Variants in IL27RA observed in about 807,000 individuals in gnomAD.
IL27RA encodes the protein interleukin-27 receptor subunit alpha.
A neutral mutation model predicts 80.8 loss-of-function variants in IL27RA; 61 were observed. The ratio of observed to expected loss-of-function variants is 0.76; its 90% CI spans 0.61 to 0.93. IL27RA has a LOEUF of 0.93. Among genes scored for constraint, IL27RA ranks in the 40% least tolerant of loss-of-function variants. The pLI is 0.00. For synonymous variants in IL27RA, 316 were observed against 332.5 expected, an observed-to-expected ratio of 0.95 and a Z score of 0.54; for missense variants, 735 against 808.1, an observed-to-expected ratio of 0.91 and a Z score of 1.10.
At chr19:14,032,006 T>G in intron 1 of IL27RA, 34 bp downstream of exon 1, 1 of 1,555,160 alleles carries the variant, frequency 6.4e-7, no homozygotes, top group Non-Finnish European at 8.8e-7. Flanking sequence ...TCCCGGGCGC[T>G]GCCGCTGCGC....
chr19:14,035,940 C>T (rs904761690), intron 2 of IL27RA, among the ~76,000 whole-genome samples: 4 of 151,620 alleles, frequency 2.6e-5, no homozygotes, highest in Non-Finnish European at 5.9e-5. Flanking sequence ...GTCACCATGA[C>T]CAGCTAATTT....
chr19:14,051,545 A>G, intron 11 of IL27RA, 62 bp from the exon 12 acceptor site: 2 of 1,001,842 alleles, frequency 2.0e-6, no homozygotes, highest in Non-Finnish European at 2.7e-6. Flanking sequence ...CTGTCTCAAA[A>G]ATAAAAATAA....
intron 2 of IL27RA, among the ~76,000 whole-genome samples, chr19:14,038,532 C>T (rs1442399449): frequency 2.1e-5 from 3 of 143,460 alleles, no homozygotes; most frequent in African/African-American, 5.3e-5. Flanking sequence ...GATCTATGAT[C>T]GCACTGCTCC....
intron 4 of IL27RA, 98 bp from the exon 5 acceptor site, chr19:14,042,355 C>T: frequency 7.6e-7 from 1 of 1,312,048 alleles, no homozygotes; most frequent in South Asian, 1.4e-5. Context: ...CACAACGAGA[C>T]TGTCTCAAAA....
At position 14,035,514 on chromosome 19, in the gene IL27RA, G is replaced by C. The variant is rs201203064; in HGVS notation, c.218+3011G>C. 7.2e-5 allele frequency among the ~76,000 whole-genome samples: 11 copies of C among 152,222 alleles called. No individual in the cohort carries two copies. In the East Asian group the frequency reaches 1.9e-3, roughly 27 times the overall value. On this transcript the variant is annotated intron_variant, in intron 2 of 13. Coordinates refer to ENST00000263379, the MANE Select transcript of IL27RA (RefSeq NM_004843.4). ...GGGTTCCAGCAATTCTCCTGCCTCAGCCTCCAGAGTAGTTGGGATTACAGG... is the reference window on the plus strand; with the variant it reads ...GGGTTCCAGCAATTCTCCTGCCTCACCCTCCAGAGTAGTTGGGATTACAGG...
At position 14,031,833 on chromosome 19, in the gene IL27RA, C is replaced by G. The variant is rs756066420; in HGVS notation, c.-40C>G. The G allele has an allele frequency of 1.3e-6, 2 of 1,527,820 alleles. No homozygotes were observed. The highest frequency in any genetic ancestry group is 2.4e-5 in the East Asian group (1 of 41,750). The allele number at this position is 1,527,820 out of a possible 1,614,324, so 94.6% of individuals were successfully genotyped here. On this transcript the variant is annotated 5_prime_UTR_variant, in exon 1 of 14. Coordinates refer to ENST00000263379, the MANE Select transcript of IL27RA (RefSeq NM_004843.4). ...GAGGAGCAGCGCGGCCGCGCGGACC[C>G]GGCAAGGCTGGGCCGGACTCGGGGC...
chr19:14,042,572 C>T lies in IL27RA; in HGVS notation c.654C>T (p.Gly218=), dbSNP rs202125422. 1.5e-5 allele frequency: 24 copies of T among 1,613,954 alleles called. No individual in the cohort carries two copies. Among genetic ancestry groups the T allele is most frequent in the Non-Finnish European group, 1.9e-5 (22 of 1,180,038 alleles). The part of the protein sequence containing the change: ...CRMEKEEDLW[G]EWSPILSFQT... The stretch of plus-strand genomic sequence containing the variant: ...TGGAGAAAGAAGAGGATTTGTGGGG[C>T]GAGTGGAGCCCCATTTTGTCCTTCC... Residue 218 remains glycine (G), a synonymous_variant, in exon 5 of 14, where the codon GGC becomes GGT. Transcript: ENST00000263379.
In IL27RA at chr19:14,032,382, C is replaced by G; in HGVS notation, c.101-4C>G. 6.2e-7 allele frequency: 1 copy of G among 1,611,302 alleles called. No individual in the cohort carries two copies. The highest frequency in any genetic ancestry group is 1.3e-5 in the African/African-American group (1 of 74,934). On this transcript the variant is annotated splice_region_variant and splice_polypyrimidine_tract_variant and intron_variant, in intron 1 of 13. Coordinates refer to ENST00000263379, the MANE Select transcript of IL27RA (RefSeq NM_004843.4). ...TTCCTGAGACCCTCTGACTCCCTCT[C>G]CAGGCAGCGCCGGGCCACTGCAGTG...
At chr19:14,034,017 C>T (rs1455574600) in intron 2 of IL27RA, among the ~76,000 whole-genome samples, 2 of 152,026 alleles carry the variant, frequency 1.3e-5, no homozygotes, top group East Asian at 1.9e-4. Flanking sequence ...AACCTGCCTC[C>T]GAAGGTTAAG....
At chr19:14,045,149 T>C (rs929329868) in intron 6 of IL27RA, among the ~76,000 whole-genome samples, 2 of 145,574 alleles carry the variant, frequency 1.4e-5, no homozygotes, top group Non-Finnish European at 3.0e-5. Context: ...TAGCGGGGTG[T>C]GGTGGCATGC....
intron 6 of IL27RA, 118 bp downstream of exon 6, chr19:14,042,907 C>T (rs188100156): frequency 4.4e-5 from 40 of 911,164 alleles, no homozygotes; most frequent in Admixed American, 1.4e-4. Flanking sequence ...TGTGGGAGGC[C>T]GAGGAGGGTG....
chr19:14,042,574 A>G lies in IL27RA; in HGVS notation c.656A>G (p.Glu219Gly), dbSNP rs1291474021. 6.2e-7 allele frequency: 1 copy of G among 1,614,112 alleles called. No individual in the cohort carries two copies. The highest frequency in any genetic ancestry group is 8.5e-7 in the Non-Finnish European group (1 of 1,180,018). Reference protein sequence around the residue: ...RMEKEEDLWGEWSPILSFQTP... With the variant: ...RMEKEEDLWGGWSPILSFQTP... Reference sequence around the variant, plus strand: ...GAGAAAGAAGAGGATTTGTGGGGCGAGTGGAGCCCCATTTTGTCCTTCCAG... The same window carrying G: ...GAGAAAGAAGAGGATTTGTGGGGCGGGTGGAGCCCCATTTTGTCCTTCCAG... The change falls in exon 5 of 14, where the codon GAG (glutamate) becomes GGG (glycine). Residue 219 changes from glutamate (E) to glycine (G), a missense_variant. Coordinates refer to ENST00000263379, the MANE Select transcript of IL27RA (RefSeq NM_004843.4).
chr19:14,040,011 C>T (rs1975967353), intron 4 of IL27RA, 101 bp downstream of exon 4: 2 of 1,212,138 alleles, frequency 1.6e-6, no homozygotes, highest in Admixed American at 2.1e-5. Context: ...TGTGCCTGCC[C>T]CTGAGCCTGT....
intron 6 of IL27RA, among the ~76,000 whole-genome samples, chr19:14,044,051 A>C (rs1406349424): frequency 1.7e-5 from 1 of 60,064 alleles, no homozygotes; most frequent in Non-Finnish European, 3.0e-5. Context: ...TCTGTCTCAC[A>C]AAAAAAAAAA....
chr19:14,047,229 A>G (rs1359440087), intron 8 of IL27RA, among the ~76,000 whole-genome samples: 1 of 123,022 alleles, frequency 8.1e-6, no homozygotes, highest in African/African-American at 3.3e-5. Context: ...TTTTTTTTTT[A>G]AGTAGAGACG....
chr19:14,032,660 C>T (rs1273507808), intron 2 of IL27RA, among the ~76,000 whole-genome samples, 157 bp downstream of exon 2: 1 of 138,542 alleles, frequency 7.2e-6, no homozygotes, highest in Non-Finnish European at 1.6e-5. Context: ...AAAAAAATTA[C>T]CCAGGGGTGG....
rs768423793 is a variant in IL27RA, at chr19:14,049,008, G to A, written c.1169G>A (p.Arg390Gln). 35 of 1,613,810 alleles carry A rather than the reference G, an allele frequency of 2.2e-5. No individual in the cohort carries two copies. Among genetic ancestry groups the A allele is most frequent in the Middle Eastern group, 1.6e-4 (1 of 6,082 alleles). The change falls in exon 9 of 14, where the codon CGA becomes CAA. Residue 390 changes from arginine to glutamine, a missense_variant. Transcript: ENST00000263379. ...AATTTCACTGTCGGGGTCCCCTATCGAATCACTGTGACCGCAGTCTCTGCT... is the reference window on the plus strand; with the variant it reads ...AATTTCACTGTCGGGGTCCCCTATCAAATCACTGTGACCGCAGTCTCTGCT... ...PGNFTVGVPY[R>Q]ITVTAVSASG...
chr19:14,038,948 G>A (rs1382681606), intron 2 of IL27RA, among the ~76,000 whole-genome samples: 2 of 151,376 alleles, frequency 1.3e-5, no homozygotes, highest in Admixed American at 6.6e-5. Flanking sequence ...AAAGAAGGGA[G>A]AGGGAGAGGA....
intron 10 of IL27RA, among the ~76,000 whole-genome samples, chr19:14,050,377 C>T (rs1976141282): frequency 6.6e-6 from 1 of 151,938 alleles, no homozygotes. Flanking sequence ...TGGCGGGCAC[C>T]TGTAGTCCCA....
Sources: gnomAD v4.1 joint callset for allele counts (sites outside exome capture counted in the v4.1 genomes callset) on GRCh38, gnomAD v4.1.1 for gene constraint, MANE v1.5 for transcripts, NCBI Gene and HGNC (gene_info 2026-07-23, HGNC 2026-07-21) for gene names.